Variants in PVT1 observed in about 807,000 individuals in gnomAD.
PVT1 encodes Pvt1 oncogene, also known as CXCR4/PVT1 fusion.
At chr8:127,892,278 G>T (rs1258158353) in intron 3 of PVT1, among the ~76,000 whole-genome samples, 1 of 152,134 alleles carries the variant, frequency 6.6e-6, no homozygotes, top group South Asian at 2.1e-4. Context: ...CAATTTACTG[G>T]GTTTCCTGTC....
rs550377185 is a variant in PVT1, at chr8:127,984,990, T to C, written n.783-4172T>C. ...TCCCTCCTTCCTTCCTTTCTTTCTTTCTCTTTCCTTCCTTCCTTCCTTCCT... is the reference window on the plus strand; with the variant it reads ...TCCCTCCTTCCTTCCTTTCTTTCTTCCTCTTTCCTTCCTTCCTTCCTTCCT... On this transcript the variant is annotated intron_variant and non_coding_transcript_variant, in intron 3 of 10. Transcript: ENST00000651587. 2.9e-4 allele frequency among the ~76,000 whole-genome samples: 28 copies of C among 95,086 alleles called. 3 individuals are homozygous for C. In the South Asian group the frequency reaches 3.2e-3, roughly 11 times the overall value. The allele number at this position is 95,086 out of a possible 152,430, so 62.4% of individuals were successfully genotyped here. A position where few individuals can be genotyped will look rare whatever the true frequency, so the allele number is the denominator to read the frequency against.
chr8:127,868,803 G>GTA (rs1440189326), intron 2 of PVT1, among the ~76,000 whole-genome samples: 1 of 54,626 alleles, frequency 1.8e-5, no homozygotes, highest in Admixed American at 2.0e-4. Context: ...ACATATATAT[G>GTA]TACATATATA....
chr8:127,874,592 T>A (rs1273920723), intron 2 of PVT1, among the ~76,000 whole-genome samples: 1 of 151,994 alleles, frequency 6.6e-6, no homozygotes, highest in African/African-American at 2.4e-5. Context: ...GTGTTGAGAG[T>A]CTGAGCCACA....
chr8:127,985,324 G>A (rs1001055203), intron 3 of PVT1, among the ~76,000 whole-genome samples: 51 of 151,750 alleles, frequency 3.4e-4, no homozygotes, highest in African/African-American at 1.2e-3. Context: ...GAGCCACCGC[G>A]CCCAGCCTTC....
intron 4 of PVT1, among the ~76,000 whole-genome samples, chr8:128,029,812 C>CA (rs1293116168): frequency 6.6e-6 from 1 of 151,626 alleles, no homozygotes; most frequent in African/African-American, 2.4e-5. Flanking sequence ...AACAAACAAA[C>CA]AAAAAAACAC....
At chr8:128,030,814 G>T (rs892715514) in intron 4 of PVT1, among the ~76,000 whole-genome samples, 3 of 152,106 alleles carry the variant, frequency 2.0e-5, no homozygotes, top group Non-Finnish European at 2.9e-5. Flanking sequence ...TTTCCACATG[G>T]CCTCCTCACT....
At chr8:127,832,729 G>A (rs1229813179) in intron 2 of PVT1, among the ~76,000 whole-genome samples, 10 of 152,156 alleles carry the variant, frequency 6.6e-5, no homozygotes, top group African/African-American at 1.9e-4. Flanking sequence ...GTGGTGGCGG[G>A]TGCCTGTAGT....
intron 3 of PVT1, among the ~76,000 whole-genome samples, chr8:127,909,821 G>A (rs1451910664): frequency 2.0e-5 from 3 of 152,104 alleles, no homozygotes; most frequent in East Asian, 1.9e-4. Context: ...TTCTTTCTGA[G>A]AGGCAGTGAC....
chr8:127,855,080 C>G (rs898142632), intron 2 of PVT1: 1 of 398,308 alleles, frequency 2.5e-6, no homozygotes, highest in Non-Finnish European at 4.4e-6. Context: ...TTTTAAACTA[C>G]CCGATTCAAG....
At chr8:127,802,344 G>A (rs536283120) in intron 2 of PVT1, among the ~76,000 whole-genome samples, 1 of 152,268 alleles carries the variant, frequency 6.6e-6, no homozygotes, top group Admixed American at 6.5e-5. Flanking sequence ...CTCCTGGGCA[G>A]CTGGGACCAC....
At chr8:128,068,971 G>A (rs866651221) in intron 4 of PVT1, among the ~76,000 whole-genome samples, 3 of 152,242 alleles carry the variant, frequency 2.0e-5, no homozygotes, top group Non-Finnish European at 2.9e-5. Context: ...TGAGAAAGCT[G>A]TGTGACAAAA....
At chr8:127,970,308 T>TTG (rs1816751280) in intron 3 of PVT1, among the ~76,000 whole-genome samples, 1 of 132,956 alleles carries the variant, frequency 7.5e-6, no homozygotes, top group African/African-American at 2.8e-5. Flanking sequence ...TTTTTTTTTT[T>TTG]TTTTTTTGAG....
At chr8:127,990,392 T>C (rs1053447452) in intron 4 of PVT1, among the ~76,000 whole-genome samples, 1 of 152,012 alleles carries the variant, frequency 6.6e-6, no homozygotes, top group Non-Finnish European at 1.5e-5. Context: ...AAACAACAAA[T>C]GAATGAGTAA....
At chr8:128,038,321 G>T (rs924994228) in intron 4 of PVT1, among the ~76,000 whole-genome samples, 2 of 152,292 alleles carry the variant, frequency 1.3e-5, no homozygotes, top group Non-Finnish European at 2.9e-5. Context: ...CTTTTAGCAT[G>T]AGCAGTGTCA....
intron 4 of PVT1, chr8:127,996,690 C>T (rs1469513278): frequency 6.6e-6 from 1 of 152,222 alleles, no homozygotes; most frequent in Non-Finnish European, 1.5e-5. Context: ...GTGCCATCCT[C>T]CCTGAGTTGC....
chr8:127,809,056 G>GAAAT (rs1814561989), intron 2 of PVT1, among the ~76,000 whole-genome samples: 1 of 86,608 alleles, frequency 1.2e-5, no homozygotes, highest in Admixed American at 1.3e-4. Flanking sequence ...AAAAAAAAAA[G>GAAAT]AAAGAAAAAA....
In PVT1 at chr8:128,015,687, C is replaced by T. The variant is rs367799586; in HGVS notation, n.912+26396C>T. ...ATTCGGGAGGCTGAGGCAGGAGAAT[C>T]GCTTGAACCTGGGAGGCGGAGGTTG... On this transcript the variant is annotated intron_variant and non_coding_transcript_variant, in intron 4 of 10. Transcript: ENST00000651587. 4.1e-5 allele frequency among the ~76,000 whole-genome samples: 6 copies of T among 146,566 alleles called. No homozygotes were observed. In the East Asian group the frequency reaches 6.2e-4, roughly 15 times the overall value.
At chr8:127,901,770 A>G (rs1815762128) in intron 3 of PVT1, among the ~76,000 whole-genome samples, 2 of 151,092 alleles carry the variant, frequency 1.3e-5, no homozygotes, top group South Asian at 4.2e-4. Context: ...TTAAATTTCT[A>G]ATTTTATATT....
At chr8:127,810,269 T>C (rs1441918132) in intron 2 of PVT1, among the ~76,000 whole-genome samples, 1 of 152,230 alleles carries the variant, frequency 6.6e-6, no homozygotes, top group Non-Finnish European at 1.5e-5. Context: ...CTTTCTGCAT[T>C]AGGAAGACAT....
Sources: allele counts gnomAD v4.1 joint callset (sites outside exome capture counted in the v4.1 genomes callset), GRCh38; gene constraint gnomAD v4.1.1; transcripts MANE v1.5; gene names NCBI Gene and HGNC (gene_info 2026-07-23, HGNC 2026-07-21).